Variants in LPO observed in about 807,000 individuals in gnomAD.
LPO encodes the protein salivary peroxidase.
A neutral mutation model predicts 68.4 loss-of-function variants in LPO; 70 were observed. The observed-to-expected ratio is 1.02, with a 90% CI of 0.84 to 1.25. The LOEUF (loss-of-function observed/expected upper bound fraction) is 1.25. Among genes scored for constraint, LPO ranks in the 50% most tolerant of loss-of-function variants. The probability of loss-of-function intolerance (pLI) is 0.00; values close to 1 mark genes in which losing one functional copy is unlikely to be tolerated. For missense variants in LPO, 873 were observed against 908.4 expected (o/e 0.96, Z 0.50); for synonymous variants, 360 against 357.6 (o/e 1.01, Z -0.08).
At chr17:58,264,664 C>T (rs1015773672) in intron 9 of LPO, 58 bp from the exon 10 acceptor site, 6 of 1,589,240 alleles carry the variant, frequency 3.8e-6, no homozygotes, top group African/African-American at 1.3e-5. Flanking sequence ...CACAGCCTCC[C>T]TCTGCAGAGG....
intron 7 of LPO, chr17:58,250,906 C>T (rs1969948137): frequency 4.6e-6 from 2 of 434,220 alleles, no homozygotes; most frequent in Non-Finnish European, 8.5e-6. Context: ...AAGTAAACTA[C>T]TGATAGCAGA....
chr17:58,253,668 T>C (rs894148880), intron 8 of LPO, among the ~76,000 whole-genome samples: 4 of 152,234 alleles, frequency 2.6e-5, no homozygotes, highest in Admixed American at 6.5e-5. Context: ...CACCCTGACA[T>C]TGCAGAAGGC....
chr17:58,241,745 G>T (rs1259843762), intron 1 of LPO, among the ~76,000 whole-genome samples: 2 of 152,118 alleles, frequency 1.3e-5, no homozygotes, highest in Non-Finnish European at 2.9e-5. Flanking sequence ...AGTACAACAA[G>T]ATACAAATTA....
At chr17:58,240,374 G>A (rs1969732741) in intron 1 of LPO, among the ~76,000 whole-genome samples, 1 of 152,108 alleles carries the variant, frequency 6.6e-6, no homozygotes, top group South Asian at 2.1e-4. Flanking sequence ...CACTCAGCAT[G>A]TTGATAAGAA....
intron 4 of LPO, among the ~76,000 whole-genome samples, chr17:58,248,341 C>T (rs1168208420): frequency 6.6e-6 from 1 of 152,308 alleles, no homozygotes; most frequent in South Asian, 2.1e-4. Flanking sequence ...AAGTAGGAAG[C>T]ACTTTGACCT....
chr17:58,240,339 C>T (rs1167185925), intron 1 of LPO, among the ~76,000 whole-genome samples: 3 of 152,164 alleles, frequency 2.0e-5, no homozygotes, highest in Non-Finnish European at 4.4e-5. Flanking sequence ...TGCTGCAAAT[C>T]AAAGGGCTTG....
At chr17:58,262,344 T>C (rs1365373159) in intron 9 of LPO, among the ~76,000 whole-genome samples, 1 of 152,230 alleles carries the variant, frequency 6.6e-6, no homozygotes, top group African/African-American at 2.4e-5. Flanking sequence ...TTCCCCTGGC[T>C]TCTGTGGTTT....
At chr17:58,240,799 G>A (rs1969740593) in intron 1 of LPO, among the ~76,000 whole-genome samples, 1 of 152,038 alleles carries the variant, frequency 6.6e-6, no homozygotes, top group Admixed American at 6.5e-5. Context: ...TTTAAAAAAT[G>A]GACTAATTTT....
intron 9 of LPO, among the ~76,000 whole-genome samples, chr17:58,258,398 T>G (rs763727845): frequency 6.6e-6 from 1 of 152,212 alleles, no homozygotes; most frequent in Non-Finnish European, 1.5e-5. Context: ...TTGAAGAGAC[T>G]GTCTTTTCCC....
Position 58,239,456 on chromosome 17 carries a change from C to T in LPO, c.-3+717C>T, listed in dbSNP as rs944740001. Among the ~76,000 whole-genome samples, 4 of 151,864 alleles carry T rather than the reference C, an allele frequency of 2.6e-5. 1 individual carries two copies. The highest frequency in any genetic ancestry group is 2.1e-4 in the South Asian group (1 of 4,804). ...TCTTTCAGTTGAAGTAGATTATTTCCGCTCTAGAGGGCTTGATAAGAGCTA... is the reference window on the plus strand; with the variant it reads ...TCTTTCAGTTGAAGTAGATTATTTCTGCTCTAGAGGGCTTGATAAGAGCTA... On this transcript the variant is annotated intron_variant, in intron 1 of 12. Transcript: ENST00000262290.
In LPO at chr17:58,249,813, A is replaced by C. The variant is rs1205092621; in HGVS notation, c.573+118A>C. 2.3e-6 allele frequency: 3 copies of C among 1,328,936 alleles called. No homozygotes were observed. In the East Asian group the frequency reaches 8.3e-5, roughly 37 times the overall value. 82.3% of individuals were successfully genotyped at this position (1,328,936 alleles called of 1,614,324 possible). On this transcript the variant is annotated intron_variant, in intron 6 of 12. Transcript: ENST00000262290. The stretch of plus-strand genomic sequence containing the variant: ...TGGGGGCAGCAGGGGTGCGCGATGG[A>C]GATCTGCACAGACCCCCACCTTCCG...
At chr17:58,249,374 G>C (rs932802173) in intron 5 of LPO, 192 bp from the exon 6 acceptor site, 1 of 975,786 alleles carries the variant, frequency 1.0e-6, no homozygotes, top group Non-Finnish European at 1.5e-6. Context: ...CTCTGGAAGC[G>C]GCACCTTTCC....
intron 8 of LPO, 119 bp from the exon 9 acceptor site, chr17:58,254,692 T>G: frequency 1.1e-6 from 1 of 916,766 alleles, no homozygotes; most frequent in Non-Finnish European, 1.6e-6. Flanking sequence ...AAGTAGGGCT[T>G]GTTGACGGGG....
chr17:58,253,756 A>G (rs1970007984), intron 8 of LPO, among the ~76,000 whole-genome samples: 1 of 152,174 alleles, frequency 6.6e-6, no homozygotes, highest in African/African-American at 2.4e-5. Flanking sequence ...CCAGACACAA[A>G]ACCGAGTTCT....
chr17:58,245,594 T>C (rs1969838786), intron 3 of LPO, among the ~76,000 whole-genome samples: 1 of 152,116 alleles, frequency 6.6e-6, no homozygotes, highest in Non-Finnish European at 1.5e-5. Flanking sequence ...CGGTGCAGAT[T>C]CCAGATTCCG....
intron 7 of LPO, 75 bp from the exon 8 acceptor site, chr17:58,252,107 C>A: frequency 7.1e-7 from 1 of 1,399,338 alleles, no homozygotes. Flanking sequence ...TGCATCCAGA[C>A]TTGCCCTGGG....
rs1038745420 is a variant in LPO at position 58,245,118 on chromosome 17, C to T, written c.164+1037C>T. ...GCTCTGGACGCTTCTAGTCCCCAGA[C>T]CAGGATTATCTCAGGAATTAAAGTG... On this transcript the variant is annotated intron_variant, in intron 3 of 12. Coordinates refer to ENST00000262290, the MANE Select transcript of LPO (RefSeq NM_006151.3). Among the ~76,000 whole-genome samples, 4 of 152,318 alleles carry T rather than the reference C, an allele frequency of 2.6e-5. No homozygotes were observed. The South Asian group carries it at 8.3e-4, about 32-fold the overall frequency.
intron 10 of LPO, 133 bp from the exon 11 acceptor site, chr17:58,266,020 C>G: frequency 1.2e-6 from 1 of 807,038 alleles, no homozygotes; most frequent in Non-Finnish European, 1.9e-6. Context: ...TTCTCTCCCT[C>G]CTTCCAGCCT....
At position 58,267,521 on chromosome 17, in the gene LPO, T is replaced by G. The variant is rs2143954035; in HGVS notation, c.1866T>G (p.Gly622=). Reference sequence around the variant, plus strand: ...TTGCTGAGCCGCTGGTGGAAAGGGGTCGGGTGGGGCCTCTCCTGGCCTGCC... The same window carrying G: ...TTGCTGAGCCGCTGGTGGAAAGGGGGCGGGTGGGGCCTCTCCTGGCCTGCC... The part of the protein sequence containing the change: ...GAIAEPLVER[G]RVGPLLACLL... Residue 622 remains glycine (G), a synonymous_variant, in exon 12 of 13, where the codon GGT becomes GGG. Transcript: ENST00000262290. The G allele has an allele frequency of 1.2e-6, 2 of 1,613,736 alleles. No homozygotes were observed. Among genetic ancestry groups the G allele is most frequent in the Non-Finnish European group, 1.7e-6 (2 of 1,179,942 alleles).
Sources: allele counts gnomAD v4.1 joint callset (sites outside exome capture counted in the v4.1 genomes callset), GRCh38; gene constraint gnomAD v4.1.1; transcripts MANE v1.5; gene names NCBI Gene and HGNC (gene_info 2026-07-23, HGNC 2026-07-21).